Variants in TBL1X observed in about 807,000 individuals in gnomAD.
TBL1X encodes transducin beta like 1 X-linked.
A neutral mutation model predicts 50.7 loss-of-function variants in TBL1X; 10 were observed. The ratio of observed to expected loss-of-function variants is 0.20; its 90% CI spans 0.12 to 0.33. The LOEUF (loss-of-function observed/expected upper bound fraction) is 0.33. TBL1X is among the 10% of genes least tolerant of loss of function. The probability of loss-of-function intolerance (pLI) is 1.00; values close to 1 mark genes in which losing one functional copy is unlikely to be tolerated. For missense variants in TBL1X, 340 were observed against 504.4 expected, an observed-to-expected ratio of 0.67 and a Z score of 3.12; for synonymous variants, 190 against 214.7, an observed-to-expected ratio of 0.88 and a Z score of 1.01.
At chrX:9,472,373 C>T (rs1445661193) in intron 1 of TBL1X, among the ~76,000 whole-genome samples, 2 of 110,237 alleles carry the variant, frequency 1.8e-5, no homozygotes, top group Admixed American at 1.9e-4. Context: ...GATCCTTCTG[C>T]CTCAGCCTCC....
At chrX:9,516,713 G>A (rs1200540147) in intron 2 of TBL1X, among the ~76,000 whole-genome samples, 2 of 112,329 alleles carry the variant, frequency 1.8e-5, no homozygotes, top group Non-Finnish European at 3.8e-5. Context: ...GAAGCCCATC[G>A]TTTTAAGTCA....
At chrX:9,618,161 C>T (rs954943369) in intron 2 of TBL1X, among the ~76,000 whole-genome samples, 9 of 111,191 alleles carry the variant, frequency 8.1e-5, no homozygotes, top group African/African-American at 2.3e-4. Flanking sequence ...TGGGAGGCGG[C>T]GTCTGACATG....
At chrX:9,498,448 T>C (rs748583398) in intron 1 of TBL1X, among the ~76,000 whole-genome samples, 15 of 112,304 alleles carry the variant, frequency 1.3e-4, no homozygotes, top group Non-Finnish European at 2.4e-4. Context: ...AGAACATTAA[T>C]GAGGAATCTG....
chrX:9,508,568 C>G (rs1172410705), intron 2 of TBL1X, among the ~76,000 whole-genome samples: 1 of 111,916 alleles, frequency 8.9e-6, no homozygotes, highest in Non-Finnish European at 1.9e-5. Flanking sequence ...ACCATTTGAC[C>G]CAGTAATCCC....
chrX:9,615,891 A>G (rs181168107), intron 2 of TBL1X, among the ~76,000 whole-genome samples: 1 of 112,123 alleles, frequency 8.9e-6, no homozygotes, highest in Non-Finnish European at 1.9e-5. Context: ...GAACATTTGC[A>G]CATATTAGGC....
At chrX:9,592,482 T>C (rs910841120) in intron 2 of TBL1X, among the ~76,000 whole-genome samples, 1 of 112,243 alleles carries the variant, frequency 8.9e-6, no homozygotes, top group East Asian at 2.8e-4. Context: ...TGGTAAGATA[T>C]ACATTACGTA....
At chrX:9,544,754 C>A (rs1980313387) in intron 2 of TBL1X, among the ~76,000 whole-genome samples, 1 of 108,731 alleles carries the variant, frequency 9.2e-6, no homozygotes, top group African/African-American at 3.4e-5. Flanking sequence ...TTTGTACAGA[C>A]AGGGTTTCTC....
intron 2 of TBL1X, among the ~76,000 whole-genome samples, chrX:9,563,520 T>C (rs763941071): frequency 8.0e-5 from 9 of 113,007 alleles, no homozygotes; most frequent in African/African-American, 2.6e-4. Flanking sequence ...GAGTTGGTGC[T>C]AAAGGCCCTG....
chrX:9,663,305 A>G (rs1443535183), intron 5 of TBL1X, among the ~76,000 whole-genome samples: 39 of 112,048 alleles, frequency 3.5e-4, no homozygotes, highest in African/African-American at 1.0e-3. Context: ...TATTCTGGAC[A>G]TATGGCCAGT....
intron 1 of TBL1X, among the ~76,000 whole-genome samples, chrX:9,471,215 C>A (rs1910666995): frequency 1.8e-5 from 2 of 112,473 alleles, no homozygotes; most frequent in Admixed American, 1.9e-4. Context: ...TACTCTGGGC[C>A]ATATGTCGCT....
At chrX:9,630,404 A>ACC (rs1386690251) in intron 2 of TBL1X, among the ~76,000 whole-genome samples, 3 of 110,353 alleles carry the variant, frequency 2.7e-5, no homozygotes, top group Non-Finnish European at 3.8e-5. Context: ...TGGTTCCAGG[A>ACC]CCCCTGTATA....
chrX:9,522,819 G>A (rs2082113122), intron 2 of TBL1X, among the ~76,000 whole-genome samples: 1 of 111,556 alleles, frequency 9.0e-6, no homozygotes, highest in Non-Finnish European at 1.9e-5. Context: ...TCCCACCTTT[G>A]AATGGAGGCC....
intron 2 of TBL1X, among the ~76,000 whole-genome samples, chrX:9,528,195 G>A (rs925696829): frequency 9.0e-5 from 10 of 111,654 alleles, no homozygotes; most frequent in Non-Finnish European, 1.5e-4. Context: ...TTCTGTGTCT[G>A]TGGATTTGAC....
intron 5 of TBL1X, among the ~76,000 whole-genome samples, chrX:9,669,735 G>A (rs988021422): frequency 3.6e-5 from 4 of 111,357 alleles, no homozygotes; most frequent in Non-Finnish European, 1.9e-5. Context: ...GGGGTCTGCA[G>A]CTACACCCAC....
chrX:9,559,255 C>A (rs1170424231), intron 2 of TBL1X, among the ~76,000 whole-genome samples: 2 of 111,783 alleles, frequency 1.8e-5, no homozygotes, highest in Non-Finnish European at 3.8e-5. Flanking sequence ...CTCTTGGCCC[C>A]AGTTTACCCA....
At chrX:9,613,493 A>G (rs1368291214) in intron 2 of TBL1X, among the ~76,000 whole-genome samples, 2 of 111,931 alleles carry the variant, frequency 1.8e-5, no homozygotes, top group Non-Finnish European at 1.9e-5. Flanking sequence ...TTTGTTACCT[A>G]TAATACCAGT....
chrX:9,696,004 C>T lies in TBL1X; in HGVS notation c.1054-1365C>T, dbSNP rs762875259. 3.6e-5 allele frequency among the ~76,000 whole-genome samples: 4 copies of T among 112,350 alleles called. No individual in the cohort carries two copies. In the South Asian group the frequency reaches 1.1e-3, roughly 31 times the overall value. ...CAGGAGTGAAAATAACATCCTTGTA[C>T]ATAACACTCAGGGAGAAAATGTAAC... On this transcript the variant is annotated intron_variant, in intron 11 of 17. Transcript: ENST00000645353.
chrX:9,631,562 A>G (rs2082721755), intron 2 of TBL1X, among the ~76,000 whole-genome samples: 1 of 112,293 alleles, frequency 8.9e-6, no homozygotes, highest in Non-Finnish European at 1.9e-5. Flanking sequence ...CCTTATCACA[A>G]TCTATGTTTG....
In TBL1X at chrX:9,695,342, T is replaced by A. The variant is rs2083125331; in HGVS notation, c.1053+1923T>A. Among the ~76,000 whole-genome samples the A allele has an allele frequency of 2.7e-5, 3 of 112,451 alleles. No individual in the cohort carries two copies. The Admixed American group carries it at 2.8e-4, about 11-fold the overall frequency. On this transcript the variant is annotated intron_variant, in intron 11 of 17. Coordinates refer to ENST00000645353, the MANE Select transcript of TBL1X (RefSeq NM_005647.4). ...TCATTCATAATTGCTCTCCCTCTCT[T>A]TTAAGCCAAGAAACCTTTCAGACTT... is the stretch of plus-strand genomic sequence containing the variant.
Sources: gnomAD v4.1 joint callset for allele counts (sites outside exome capture counted in the v4.1 genomes callset) on GRCh38, gnomAD v4.1.1 for gene constraint, MANE v1.5 for transcripts, NCBI Gene and HGNC (gene_info 2026-07-23, HGNC 2026-07-21) for gene names.